Variants in GALNT9 observed in about 807,000 individuals in gnomAD.
GALNT9 encodes the protein polypeptide N-acetylgalactosaminyltransferase 9.
In GALNT9, 47 loss-of-function variants were observed where a neutral mutation model predicts 63.1. The ratio of observed to expected loss-of-function variants is 0.75; its 90% CI spans 0.59 to 0.95. GALNT9 has a LOEUF of 0.95. Ranked by LOEUF, GALNT9 falls within the 40% of genes least tolerant of loss-of-function variation. The pLI, the probability that GALNT9 is intolerant of heterozygous loss-of-function variation, is 0.00. For synonymous variants in GALNT9, 396 were observed against 365.7 expected, an observed-to-expected ratio of 1.08 and a Z score of -0.94; for missense variants, 829 against 874.8, an observed-to-expected ratio of 0.95 and a Z score of 0.66.
intron 1 of GALNT9, among the ~76,000 whole-genome samples, chr12:132,287,887 G>T (rs1880666042): frequency 6.6e-6 from 1 of 152,164 alleles, no homozygotes; most frequent in South Asian, 2.1e-4. Flanking sequence ...CTGTCTCTGA[G>T]CTGGGAGTCT....
At chr12:132,284,180 C>G (rs1880491277) in intron 2 of GALNT9, 3 of 151,466 alleles carry the variant, frequency 2.0e-5, no homozygotes, top group Admixed American at 2.0e-4. Context: ...CACACACACG[C>G]ACACCCACGC....
intron 6 of GALNT9, among the ~76,000 whole-genome samples, chr12:132,230,003 G>C (rs1026169530): frequency 6.6e-6 from 1 of 152,164 alleles, no homozygotes; most frequent in Non-Finnish European, 1.5e-5. Flanking sequence ...CTGCCAGGCC[G>C]ACCTGGGTCC....
At chr12:132,290,389 G>T (rs371727165) in intron 1 of GALNT9, among the ~76,000 whole-genome samples, 1 of 152,150 alleles carries the variant, frequency 6.6e-6, no homozygotes. Flanking sequence ...AAGCGAGGCC[G>T]TCCCAACGCG....
chr12:132,212,160 G>A (rs1439735783), intron 6 of GALNT9, among the ~76,000 whole-genome samples: 2 of 148,892 alleles, frequency 1.3e-5, no homozygotes, highest in Non-Finnish European at 3.0e-5. Context: ...TTCACACCAC[G>A]ACACGGAAAC....
At chr12:132,235,297 G>A (rs1294519390) in intron 6 of GALNT9, among the ~76,000 whole-genome samples, 7 of 151,694 alleles carry the variant, frequency 4.6e-5, no homozygotes, top group Non-Finnish European at 7.4e-5. Context: ...TGCGGTGGGC[G>A]CTGTGCACGG....
chr12:132,207,140 T>A (rs1029748013), intron 6 of GALNT9, among the ~76,000 whole-genome samples: 1 of 152,188 alleles, frequency 6.6e-6, no homozygotes, highest in Non-Finnish European at 1.5e-5. Context: ...CCATCCTGTT[T>A]AGAGCCGCCG....
chr12:132,293,097 A>G (rs956107202), intron 1 of GALNT9, among the ~76,000 whole-genome samples: 5 of 151,972 alleles, frequency 3.3e-5, no homozygotes, highest in African/African-American at 1.2e-4. Context: ...CTCACCCCAC[A>G]GTGGGGCCGA....
intron 6 of GALNT9, among the ~76,000 whole-genome samples, chr12:132,227,508 C>G (rs1385685873): frequency 1.3e-5 from 2 of 152,242 alleles, no homozygotes; most frequent in African/African-American, 4.8e-5. Flanking sequence ...AGGTGCACGT[C>G]TCGGCCCAGA....
chr12:132,328,993 C>T lies in GALNT9; in HGVS notation c.211G>A (p.Glu71Lys), dbSNP rs1555246717. 1.9e-6 allele frequency: 3 copies of T among 1,540,836 alleles called. No homozygotes were observed. The highest frequency in any genetic ancestry group is 2.6e-6 in the Non-Finnish European group (3 of 1,144,572). ...TTGAGCTGGTTGTAGACCACCTCCT[C>T]CAGGTGGTCCAGGCGCTGCAGGATG... Reference protein sequence around the residue: ...EAILQRLDHLEEVVYNQLNGL... With the variant: ...EAILQRLDHLKEVVYNQLNGL... The change falls in exon 1 of 11, where the codon GAG becomes AAG. Residue 71 changes from glutamate (E) to lysine (K), a missense_variant. Physicochemically the swap from Glu to Lys is moderately conservative, Grantham distance 56. Coordinates refer to ENST00000328957, the MANE Select transcript of GALNT9 (RefSeq NM_001122636.2).
intron 2 of GALNT9, among the ~76,000 whole-genome samples, chr12:132,267,079 G>T (rs894467624): frequency 3.3e-5 from 5 of 152,242 alleles, no homozygotes; most frequent in Admixed American, 1.3e-4. Context: ...GAGCAGTGAG[G>T]AGGTGGCATG....
intron 2 of GALNT9, among the ~76,000 whole-genome samples, chr12:132,268,870 G>A (rs1169038917): frequency 6.6e-6 from 1 of 152,244 alleles, no homozygotes; most frequent in Non-Finnish European, 1.5e-5. Context: ...TGCAGCCGAC[G>A]TACAAAAGCG....
chr12:132,206,797 G>A (rs143188460), intron 6 of GALNT9, among the ~76,000 whole-genome samples: 2,201 of 152,298 alleles, frequency 0.014, 45 homozygotes, highest in African/African-American at 0.05. Context: ...TGGAGATGGC[G>A]GCTGACCTGA....
intron 6 of GALNT9, among the ~76,000 whole-genome samples, chr12:132,218,488 T>C (rs1877307918): frequency 6.6e-6 from 1 of 152,242 alleles, no homozygotes; most frequent in Non-Finnish European, 1.5e-5. Flanking sequence ...AGAGATTTCA[T>C]TGAACCTGAT....
rs983837229 is a variant in GALNT9, at chr12:132,227,815, C to T, written c.1077+20095G>A. ...GGGCAGAGGCAGGGTCCAAAGGCAA[C>T]GTGGAGGGGTCTTCTGAAGACCCCT... On this transcript the variant is annotated intron_variant, in intron 6 of 10. Transcript: ENST00000328957. Among the ~76,000 whole-genome samples, 13 of 152,148 alleles carry T rather than the reference C, an allele frequency of 8.5e-5. No individual in the cohort carries two copies. The South Asian group carries it at 2.5e-3, about 29-fold the overall frequency.
At position 132,285,901 on chromosome 12, in the gene GALNT9, C is replaced by CAGGAGAGACAGAGG. The variant is rs879960172; in HGVS notation, c.419+335_419+348dup. ...GGAGAGAGGGAGAGACAGAGAGAGA[C>CAGGAGAGACAGAGG]AGGAGAGACAGAGGAGGAGAGACAG... On this transcript the variant is annotated intron_variant, in intron 2 of 10. Transcript: ENST00000328957. 1.1e-3 allele frequency among the ~76,000 whole-genome samples: 163 copies of CAGGAGAGACAGAGG among 152,008 alleles called. 1 individual carries two copies. Among genetic ancestry groups the CAGGAGAGACAGAGG allele is most frequent in the Non-Finnish European group, 2.0e-3 (139 of 67,912 alleles).
At chr12:132,283,870 A>G (rs55942038) in intron 2 of GALNT9, 3,781 of 151,898 alleles carry the variant, frequency 0.025, 77 homozygotes, top group Non-Finnish European at 0.042. Flanking sequence ...CACAGCAGGG[A>G]AAAGCAGCCT....
intron 2 of GALNT9, among the ~76,000 whole-genome samples, chr12:132,276,900 ACACACATGCACACATGTC>A (rs1880115632): frequency 2.6e-5 from 4 of 152,078 alleles, no homozygotes; most frequent in Non-Finnish European, 1.5e-5. Context: ...CAGAACACAC[ACACACATGCACACATGTC>A]CACACATGCA....
rs1555238228 is a variant in GALNT9, at chr12:132,247,964, C to T, written c.1023G>A (p.Leu341=). 6.4e-7 allele frequency: 1 copy of T among 1,551,578 alleles called. No homozygotes were observed. The highest frequency in any genetic ancestry group is 2.0e-5 in the Admixed American group (1 of 51,014). ...VDREYFGDIG[L]LDPGMEVYGG... ...CATACACCTCCATGCCGGGGTCCAG[C>T]AGCCCAATGTCTCCGAAGTACTCGC... The change falls in exon 6 of 11, where the codon CTG becomes CTA. Residue 341 remains leucine (L), a synonymous_variant. Transcript: ENST00000328957.
chr12:132,227,921 C>T (rs1356672652), intron 6 of GALNT9, among the ~76,000 whole-genome samples: 2 of 152,152 alleles, frequency 1.3e-5, no homozygotes, highest in African/African-American at 4.8e-5. Context: ...CTCTGAGCCT[C>T]GGTTTCCCCA....
Sources: allele counts gnomAD v4.1 joint callset (sites outside exome capture counted in the v4.1 genomes callset), GRCh38; gene constraint gnomAD v4.1.1; transcripts MANE v1.5; gene names NCBI Gene and HGNC (gene_info 2026-07-23, HGNC 2026-07-21).